HSD17B6: variants seen among roughly 807,000 people sequenced by gnomAD.
The protein encoded by HSD17B6 is 17-beta-hydroxysteroid dehydrogenase type 6.
Under a neutral mutation model 26.4 loss-of-function variants are expected in HSD17B6, and 16 were observed. The ratio of observed to expected loss-of-function variants is 0.61; its 90% CI spans 0.41 to 0.92. The LOEUF is 0.92. Among genes scored for constraint, HSD17B6 ranks in the 40% least tolerant of loss-of-function variants. HSD17B6 has a pLI of 0.00. For synonymous variants in HSD17B6, 139 were observed against 153.0 expected (o/e 0.91, Z 0.68); for missense variants, 357 against 386.1 (o/e 0.92, Z 0.63).
intron 2 of HSD17B6, 138 bp from the exon 3 acceptor site, chr12:56,781,836 A>T: frequency 2.3e-6 from 2 of 862,994 alleles, no homozygotes; most frequent in Non-Finnish European, 3.6e-6. Context: ...CTTGTATGTT[A>T]TATCATTTGG....
At chr12:56,783,784 A>C (rs1440266468) in intron 3 of HSD17B6, among the ~76,000 whole-genome samples, 29 of 93,554 alleles carry the variant, frequency 3.1e-4, no homozygotes, top group Admixed American at 8.0e-4. Context: ...GGCACCCCTC[A>C]CCTCCCGGAC....
rs1423814346 is a variant in HSD17B6, at chr12:56,787,440, G to A, written c.*98G>A. On this transcript the variant is annotated 3_prime_UTR_variant, in exon 5 of 5. Transcript: ENST00000322165. Reference sequence around the variant, plus strand: ...TAGAACCCAGGCTTTTTGTAACAATGTGTTTTCTTGCCTAAATTCATTTAT... The same window carrying A: ...TAGAACCCAGGCTTTTTGTAACAATATGTTTTCTTGCCTAAATTCATTTAT... 1 of 743,610 alleles carries A rather than the reference G, an allele frequency of 1.3e-6. No individual in the cohort carries two copies. The allele number at this position is 743,610 out of a possible 1,614,324, so 46.1% of individuals were successfully genotyped here.
At chr12:56,771,056 G>A (rs1481890249) in intron 1 of HSD17B6, among the ~76,000 whole-genome samples, 2 of 152,192 alleles carry the variant, frequency 1.3e-5, no homozygotes, top group African/African-American at 4.8e-5. Context: ...CCAATGACCA[G>A]AAGGATGGCA....
intron 1 of HSD17B6, among the ~76,000 whole-genome samples, chr12:56,766,992 T>C (rs1954343204): frequency 6.6e-6 from 1 of 151,854 alleles, no homozygotes; most frequent in Admixed American, 6.6e-5. Flanking sequence ...CCATGAAAAA[T>C]CAGCTAATTT....
intron 2 of HSD17B6, among the ~76,000 whole-genome samples, chr12:56,777,383 A>G (rs1954615795): frequency 4.9e-5 from 3 of 60,786 alleles, no homozygotes; most frequent in African/African-American, 2.9e-4. Context: ...TTTTTTTTGG[A>G]AATGGAGTTT....
chr12:56,777,551 C>G (rs1420118708), intron 2 of HSD17B6, among the ~76,000 whole-genome samples: 1 of 151,854 alleles, frequency 6.6e-6, no homozygotes, highest in African/African-American at 2.4e-5. Flanking sequence ...TTTAGTAGAG[C>G]TGGGTTTCTC....
chr12:56,784,796 C>T (rs867239234), intron 3 of HSD17B6, 57 bp from the exon 4 acceptor site: 6 of 1,538,142 alleles, frequency 3.9e-6, no homozygotes, highest in Middle Eastern at 1.7e-4. Flanking sequence ...CTTTTCCTTC[C>T]TGAAAGCATT....
At chr12:56,766,461 T>A (rs1345848318) in intron 1 of HSD17B6, among the ~76,000 whole-genome samples, 1 of 152,234 alleles carries the variant, frequency 6.6e-6, no homozygotes, top group African/African-American at 2.4e-5. Context: ...AAATACCATC[T>A]GTCCTCCAAG....
chr12:56,765,482 C>T (rs1465676265), intron 1 of HSD17B6, among the ~76,000 whole-genome samples: 1 of 151,666 alleles, frequency 6.6e-6, no homozygotes, highest in African/African-American at 2.4e-5. Flanking sequence ...AAAACCAATC[C>T]TTTTTTTTCT....
chr12:56,763,528 AT>A (rs1334617956), intron 1 of HSD17B6, 114 bp downstream of exon 1: 1 of 146,988 alleles, frequency 6.8e-6, no homozygotes. Context: ...TTTGATTATG[AT>A]TTTTTATCAT....
At chr12:56,774,562 A>G (rs1954550851) in intron 2 of HSD17B6, among the ~76,000 whole-genome samples, 1 of 152,230 alleles carries the variant, frequency 6.6e-6, no homozygotes, top group African/African-American at 2.4e-5. Flanking sequence ...TGTGCACTTC[A>G]TTATATTATT....
At chr12:56,776,018 C>T (rs981597323) in intron 2 of HSD17B6, among the ~76,000 whole-genome samples, 11 of 152,272 alleles carry the variant, frequency 7.2e-5, no homozygotes, top group Admixed American at 2.6e-4. Context: ...CTCCACCTCC[C>T]GGCTTCAAGC....
intron 3 of HSD17B6, among the ~76,000 whole-genome samples, chr12:56,783,338 G>T (rs1247516474): frequency 7.4e-6 from 1 of 134,274 alleles, no homozygotes; most frequent in Non-Finnish European, 1.6e-5. Flanking sequence ...CCTCCCTCCC[G>T]GACGGGGCGG....
chr12:56,779,376 G>T (rs939640278), intron 2 of HSD17B6, among the ~76,000 whole-genome samples: 1 of 152,108 alleles, frequency 6.6e-6, no homozygotes, highest in Non-Finnish European at 1.5e-5. Flanking sequence ...GGTCTCAAGT[G>T]ATCTTAATGC....
intron 4 of HSD17B6, among the ~76,000 whole-genome samples, chr12:56,786,188 C>G (rs1173899484): frequency 1.5e-4 from 22 of 151,638 alleles, no homozygotes; most frequent in Admixed American, 1.4e-3. Flanking sequence ...AAAGTATATT[C>G]CCATATCTGT....
intron 2 of HSD17B6, among the ~76,000 whole-genome samples, chr12:56,781,524 C>G (rs1174073671): frequency 6.6e-6 from 1 of 152,156 alleles, no homozygotes; most frequent in East Asian, 1.9e-4. Context: ...ATTTAGCAGG[C>G]TGGGCGTGGT....
chr12:56,773,973 T>G lies in HSD17B6; in HGVS notation c.121T>G (p.Phe41Val), dbSNP rs1307229083. ...CTTTATCACGGGCTGTGACTCGGGC[T>G]TTGGGAACCTGCTGGCCAGACAGCT... ...YVFITGCDSG[F>V]GNLLARQLDA... Residue 41 changes from phenylalanine to valine, a missense_variant, in exon 2 of 5, where the codon TTT becomes GTT. Transcript: ENST00000322165. 6.2e-7 allele frequency: 1 copy of G among 1,614,070 alleles called. No homozygotes were observed. Among genetic ancestry groups the G allele is most frequent in the Non-Finnish European group, 8.5e-7 (1 of 1,180,000 alleles).
At chr12:56,778,674 C>CTT (rs1159153527) in intron 2 of HSD17B6, among the ~76,000 whole-genome samples, 48 of 122,956 alleles carry the variant, frequency 3.9e-4, no homozygotes, top group Non-Finnish European at 4.8e-4. Context: ...GAGTCTTTTT[C>CTT]TTTTTTTTTT....
chr12:56,784,493 A>G (rs1194765322), intron 3 of HSD17B6, among the ~76,000 whole-genome samples: 5 of 152,226 alleles, frequency 3.3e-5, no homozygotes, highest in Non-Finnish European at 5.9e-5. Flanking sequence ...CGGCCAACAC[A>G]GTGAAACCCC....
Sources: gnomAD v4.1 joint callset for allele counts (sites outside exome capture counted in the v4.1 genomes callset) on GRCh38, gnomAD v4.1.1 for gene constraint, MANE v1.5 for transcripts, NCBI Gene and HGNC (gene_info 2026-07-23, HGNC 2026-07-21) for gene names.